The following DYNC1I1 variants were observed in gnomAD, a reference collection of about 807,000 sequenced individuals.
DYNC1I1 encodes the protein dynein cytoplasmic 1 intermediate chain 1.
Under a neutral mutation model 86.6 loss-of-function variants are expected in DYNC1I1, and 43 were observed. The ratio of observed to expected loss-of-function variants is 0.50; its 90% CI spans 0.39 to 0.64. The LOEUF (loss-of-function observed/expected upper bound fraction) is 0.64, where lower values mean the gene tolerates loss of function less well. DYNC1I1 is among the 30% of genes least tolerant of loss of function. DYNC1I1 has a pLI of 0.00. For synonymous variants in DYNC1I1, 262 were observed against 283.7 expected (o/e 0.92, Z 0.77); for missense variants, 604 against 788.8 (o/e 0.77, Z 2.81).
intron 5 of DYNC1I1, among the ~76,000 whole-genome samples, chr7:95,850,960 T>C (rs1789561467): frequency 6.6e-6 from 1 of 152,154 alleles, no homozygotes; most frequent in Non-Finnish European, 1.5e-5. Context: ...TTTTTTTTCC[T>C]TGAGACAGGG....
intron 10 of DYNC1I1, among the ~76,000 whole-genome samples, chr7:96,024,807 T>A (rs896946910): frequency 6.6e-6 from 1 of 152,158 alleles, no homozygotes; most frequent in Admixed American, 6.5e-5. Context: ...TTTAACCAAA[T>A]AGAGGTAATT....
intron 1 of DYNC1I1, among the ~76,000 whole-genome samples, chr7:95,789,151 C>T (rs1794224424): frequency 6.6e-6 from 1 of 152,168 alleles, no homozygotes; most frequent in Non-Finnish European, 1.5e-5. Context: ...GCTCTGAATG[C>T]TGCTTCATAC....
chr7:95,914,940 T>G (rs1011811149), intron 6 of DYNC1I1, among the ~76,000 whole-genome samples: 5 of 152,252 alleles, frequency 3.3e-5, no homozygotes, highest in African/African-American at 1.2e-4. Context: ...ATCACTTGTT[T>G]GCTTTTTAAT....
At chr7:95,864,713 T>C (rs1411833789) in intron 5 of DYNC1I1, among the ~76,000 whole-genome samples, 1 of 152,188 alleles carries the variant, frequency 6.6e-6, no homozygotes, top group Non-Finnish European at 1.5e-5. Flanking sequence ...CGCAATCTAC[T>C]TTCTGTAGCC....
chr7:96,076,290 T>C, intron 15 of DYNC1I1, 93 bp downstream of exon 15: 1 of 1,521,508 alleles, frequency 6.6e-7, no homozygotes, highest in Non-Finnish European at 8.8e-7. Flanking sequence ...AAACGGCCTT[T>C]TTTGGACAGA....
At chr7:96,009,327 C>T (rs994220976) in intron 10 of DYNC1I1, among the ~76,000 whole-genome samples, 1 of 152,186 alleles carries the variant, frequency 6.6e-6, no homozygotes, top group Non-Finnish European at 1.5e-5. Context: ...TGCCCTCTGC[C>T]CTGTCCCCAT....
At chr7:96,054,100 T>A (rs777215743) in intron 14 of DYNC1I1, among the ~76,000 whole-genome samples, 1 of 152,192 alleles carries the variant, frequency 6.6e-6, no homozygotes, top group African/African-American at 2.4e-5. Flanking sequence ...ACCCGTCATC[T>A]ACATTAGATA....
At position 95,973,616 on chromosome 7, in the gene DYNC1I1, G is replaced by C. The variant is rs1178960418; in HGVS notation, c.491-3896G>C. Among the ~76,000 whole-genome samples the C allele has an allele frequency of 4.6e-5, 7 of 152,086 alleles. 1 individual carries two copies. The highest frequency in any genetic ancestry group is 1.5e-5 in the Non-Finnish European group (1 of 68,004). On this transcript the variant is annotated intron_variant, in intron 6 of 16. Coordinates refer to ENST00000447467, the MANE Select transcript of DYNC1I1 (RefSeq NM_001135556.2). The stretch of plus-strand genomic sequence containing the variant: ...TAGATAACCTGCTATTTCCTCACAT[G>C]CTTCTATGCATAAACCTAGACATTG...
At chr7:95,803,357 A>G (rs1445076987) in intron 1 of DYNC1I1, among the ~76,000 whole-genome samples, 1 of 152,278 alleles carries the variant, frequency 6.6e-6, no homozygotes, top group Non-Finnish European at 1.5e-5. Context: ...TATTCATTAT[A>G]AAGTGCCTAG....
intron 11 of DYNC1I1, among the ~76,000 whole-genome samples, chr7:96,030,804 C>T (rs1443802928): frequency 6.6e-6 from 1 of 152,180 alleles, no homozygotes; most frequent in East Asian, 1.9e-4. Context: ...TGTGTGGCTC[C>T]GGGCTTGATA....
At chr7:96,054,149 GCAA>G (rs1789498371) in intron 14 of DYNC1I1, among the ~76,000 whole-genome samples, 2 of 151,908 alleles carry the variant, frequency 1.3e-5, no homozygotes, top group South Asian at 4.2e-4. Context: ...CCCTCACCCC[GCAA>G]CAGGCCCTGG....
intron 5 of DYNC1I1, among the ~76,000 whole-genome samples, chr7:95,832,596 G>A (rs1237135120): frequency 6.6e-6 from 1 of 152,086 alleles, no homozygotes. Flanking sequence ...CAGTGTAAAA[G>A]TATTCCTATT....
chr7:95,784,885 G>T (rs569253305), intron 1 of DYNC1I1, among the ~76,000 whole-genome samples: 3 of 152,306 alleles, frequency 2.0e-5, no homozygotes, highest in African/African-American at 7.2e-5. Context: ...TAATGAGACA[G>T]AACTTTGTAT....
At chr7:96,083,321 AG>A (rs1490606213) in intron 16 of DYNC1I1, among the ~76,000 whole-genome samples, 2 of 152,118 alleles carry the variant, frequency 1.3e-5, no homozygotes, top group African/African-American at 4.8e-5. Context: ...TTTGGGTAGA[AG>A]GGGAACTTTT....
chr7:96,004,851 A>G (rs185877623), intron 10 of DYNC1I1, among the ~76,000 whole-genome samples: 8 of 152,340 alleles, frequency 5.3e-5, no homozygotes, highest in Admixed American at 4.6e-4. Flanking sequence ...TTAAAAACAC[A>G]TGGCAGCATT....
chr7:95,875,847 A>G (rs2116197084), intron 6 of DYNC1I1, among the ~76,000 whole-genome samples: 1 of 152,142 alleles, frequency 6.6e-6, no homozygotes, highest in East Asian at 1.9e-4. Context: ...TCTTTTGATG[A>G]TTTAGTCTCC....
chr7:96,099,538 G>A (rs1425116263), downstream of DYNC1I1, among the ~76,000 whole-genome samples: 2 of 152,162 alleles, frequency 1.3e-5, no homozygotes, highest in Admixed American at 6.5e-5. Context: ...TGAAAGCTGG[G>A]AAATCCAAGG....
At chr7:95,995,558 G>A (rs1310835046) in intron 9 of DYNC1I1, among the ~76,000 whole-genome samples, 1 of 152,174 alleles carries the variant, frequency 6.6e-6, no homozygotes, top group Non-Finnish European at 1.5e-5. Context: ...AACTTACTCA[G>A]CGAGAATAGC....
intron 10 of DYNC1I1, among the ~76,000 whole-genome samples, chr7:96,010,620 G>T (rs893275924): frequency 3.3e-5 from 5 of 152,146 alleles, no homozygotes; most frequent in Non-Finnish European, 7.4e-5. Flanking sequence ...GGCTTTTTGG[G>T]GGTGGAGAGA....
Sources: allele counts gnomAD v4.1 joint callset (sites outside exome capture counted in the v4.1 genomes callset), GRCh38; gene constraint gnomAD v4.1.1; transcripts MANE v1.5; gene names NCBI Gene and HGNC (gene_info 2026-07-23, HGNC 2026-07-21).